The following COP1 variants were observed in gnomAD, a reference collection of about 807,000 sequenced individuals.
COP1 encodes the protein E3 ubiquitin-protein ligase COP1.
COP1 carries 24 observed loss-of-function variants against 101.3 expected under a neutral mutation model. The observed-to-expected ratio is 0.24, with a 90% confidence interval of 0.17 to 0.33. The LOEUF (loss-of-function observed/expected upper bound fraction) is 0.33, where lower values mean the gene tolerates loss of function less well. COP1 is among the 10% of genes least tolerant of loss of function. The pLI is 1.00. For missense variants in COP1, 663 were observed against 906.2 expected (o/e 0.73, Z 3.45); for synonymous variants, 347 against 341.9 (o/e 1.01, Z -0.17).
intron 11 of COP1, among the ~76,000 whole-genome samples, chr1:176,077,599 GGAT>G (rs1166601152): frequency 6.6e-6 from 1 of 152,048 alleles, no homozygotes; most frequent in Non-Finnish European, 1.5e-5. Context: ...AACAAGACAA[GGAT>G]GCCCACTTTC....
At chr1:176,164,583 C>T (rs1381737888) in intron 3 of COP1, among the ~76,000 whole-genome samples, 1 of 152,118 alleles carries the variant, frequency 6.6e-6, no homozygotes, top group Non-Finnish European at 1.5e-5. Context: ...ACCATGCCTT[C>T]ATAAGGGGAT....
chr1:176,102,282 A>T (rs1166430112), intron 9 of COP1, among the ~76,000 whole-genome samples: 3 of 152,182 alleles, frequency 2.0e-5, no homozygotes, highest in Non-Finnish European at 4.4e-5. Flanking sequence ...TCGCCCAATA[A>T]ATTACGTTTT....
intron 1 of COP1, among the ~76,000 whole-genome samples, chr1:176,199,091 G>A (rs1289481530): frequency 2.0e-5 from 3 of 152,168 alleles, no homozygotes; most frequent in African/African-American, 7.2e-5. Flanking sequence ...GCCGAGGCGT[G>A]GGGACCATGA....
chr1:176,205,287 TAAC>T (rs1700712885), intron 1 of COP1, among the ~76,000 whole-genome samples: 1 of 152,206 alleles, frequency 6.6e-6, no homozygotes, highest in Non-Finnish European at 1.5e-5. Context: ...TATTTATAAA[TAAC>T]AATCATATTA....
intron 1 of COP1, chr1:176,206,329 C>T: frequency 1.9e-6 from 1 of 528,258 alleles, no homozygotes; most frequent in Non-Finnish European, 3.3e-6. Context: ...TTCACTTCCT[C>T]CTCAGCAACA....
At chr1:175,948,298 T>C (rs530340150) in intron 18 of COP1, among the ~76,000 whole-genome samples, 1 of 152,164 alleles carries the variant, frequency 6.6e-6, no homozygotes, top group African/African-American at 2.4e-5. Flanking sequence ...CTCTGGAACT[T>C]GGATGTGTTG....
chr1:176,156,374 A>G (rs1404165029), intron 5 of COP1, among the ~76,000 whole-genome samples: 1 of 152,192 alleles, frequency 6.6e-6, no homozygotes, highest in Non-Finnish European at 1.5e-5. Context: ...GAAAGGAGGA[A>G]GAAGTGATAA....
intron 19 of COP1, among the ~76,000 whole-genome samples, chr1:175,946,864 A>G (rs1649236618): frequency 6.6e-6 from 1 of 152,224 alleles, no homozygotes. Flanking sequence ...TTTGGGCTCT[A>G]TCTACTGAAA....
intron 14 of COP1, among the ~76,000 whole-genome samples, chr1:176,032,594 T>A (rs1314108367): frequency 6.6e-6 from 1 of 152,026 alleles, no homozygotes; most frequent in Non-Finnish European, 1.5e-5. Context: ...AACTACCACT[T>A]CCAAGCTCAC....
At chr1:176,097,492 G>A (rs1377104100) in intron 9 of COP1, among the ~76,000 whole-genome samples, 7 of 152,092 alleles carry the variant, frequency 4.6e-5, no homozygotes, top group African/African-American at 1.4e-4. Flanking sequence ...TATGGCAATT[G>A]GGTTTTCTTC....
chr1:176,148,346 A>G (rs1572523488), intron 6 of COP1, among the ~76,000 whole-genome samples: 1 of 152,050 alleles, frequency 6.6e-6, no homozygotes. Flanking sequence ...TATCCTAATT[A>G]GACAATTCTT....
intron 6 of COP1, among the ~76,000 whole-genome samples, chr1:176,138,239 T>C (rs555084590): frequency 1.3e-5 from 2 of 152,164 alleles, no homozygotes; most frequent in South Asian, 2.1e-4. Context: ...TAAATAAAAC[T>C]GCTTAACATC....
At chr1:176,122,902 T>G (rs898130076) in intron 8 of COP1, among the ~76,000 whole-genome samples, 7 of 152,184 alleles carry the variant, frequency 4.6e-5, no homozygotes, top group Non-Finnish European at 1.0e-4. Context: ...TTATCACTTT[T>G]GGAAGTAAAC....
rs189278938 is a variant in COP1 at position 175,994,065 on chromosome 1, C to A, written c.1730-4586G>T. On this transcript the variant is annotated intron_variant, in intron 15 of 19. Coordinates refer to ENST00000367669, the MANE Select transcript of COP1 (RefSeq NM_022457.7). The stretch of plus-strand genomic sequence containing the variant: ...GATCTCTGGGCAGAAACTCTACAAG[C>A]CAGAAGAGAGTGGGGGCCAATATTC... Among the ~76,000 whole-genome samples, 684 of 152,292 alleles carry A rather than the reference C, an allele frequency of 4.5e-3. 7 individuals are homozygous for A. The highest frequency in any genetic ancestry group is 0.015 in the African/African-American group (643 of 41,558).
chr1:176,061,761 T>C (rs925539074), intron 11 of COP1, among the ~76,000 whole-genome samples: 2 of 152,254 alleles, frequency 1.3e-5, no homozygotes, highest in East Asian at 1.9e-4. Flanking sequence ...GAAGAAAATA[T>C]AGAAGAAAAA....
intron 15 of COP1, among the ~76,000 whole-genome samples, chr1:175,998,895 T>C (rs1008368813): frequency 6.6e-6 from 1 of 152,064 alleles, no homozygotes; most frequent in South Asian, 2.1e-4. Flanking sequence ...CTTCATTGAG[T>C]GGTACTGATT....
intron 18 of COP1, among the ~76,000 whole-genome samples, chr1:175,970,893 C>T (rs996818562): frequency 6.6e-6 from 1 of 151,938 alleles, no homozygotes; most frequent in African/African-American, 2.4e-5. Flanking sequence ...AGGTAACAAG[C>T]AATGTTTGAT....
chr1:176,099,123 C>T (rs1388338351), intron 9 of COP1, among the ~76,000 whole-genome samples: 4 of 140,892 alleles, frequency 2.8e-5, no homozygotes, highest in Non-Finnish European at 6.5e-5. Flanking sequence ...CTAACTGTAA[C>T]TACCCTGGAC....
chr1:176,207,036 T>C lies in COP1; in HGVS notation c.-58A>G. 7.7e-7 allele frequency: 1 copy of C among 1,293,188 alleles called. No homozygotes were observed. Among genetic ancestry groups the C allele is most frequent in the Non-Finnish European group, 9.9e-7 (1 of 1,010,368 alleles). 80.1% of individuals were successfully genotyped at this position (1,293,188 alleles called of 1,614,324 possible). On this transcript the variant is annotated 5_prime_UTR_variant, in exon 1 of 20. Transcript: ENST00000367669. ...AGGAGAGGGACCGCGACCTCGACCC[T>C]CCGCCGCCTCCCCTCCCCTCAGCCT... is the stretch of plus-strand genomic sequence containing the variant.
Sources: allele counts gnomAD v4.1 joint callset (sites outside exome capture counted in the v4.1 genomes callset), GRCh38; gene constraint gnomAD v4.1.1; transcripts MANE v1.5; gene names NCBI Gene and HGNC (gene_info 2026-07-23, HGNC 2026-07-21).